The following C6orf52 variants were observed in gnomAD, a reference collection of about 807,000 sequenced individuals.
The protein encoded by C6orf52 is chromosome 6 open reading frame 52, also known as putative uncharacterized protein C6orf52.
In C6orf52, 16 loss-of-function variants were observed where a neutral mutation model predicts 16.6. The ratio of observed to expected loss-of-function variants is 0.96; its 90% CI spans 0.65 to 1.46. C6orf52 has a LOEUF of 1.46. Ranked by LOEUF, C6orf52 falls within the 40% of genes most tolerant of loss-of-function variation. C6orf52 has a pLI of 0.00. For missense variants in C6orf52, 166 were observed against 182.3 expected (o/e 0.91, Z 0.52); for synonymous variants, 53 against 61.4 (o/e 0.86, Z 0.64).
intron 4 of C6orf52, among the ~76,000 whole-genome samples, chr6:10,675,412 C>A (rs919440948): frequency 6.6e-6 from 1 of 152,144 alleles, no homozygotes; most frequent in Non-Finnish European, 1.5e-5. Flanking sequence ...TACGCATTTT[C>A]TTTATCCATT....
At chr6:10,672,721 C>G (rs574043591) in intron 4 of C6orf52, 1 of 527,466 alleles carries the variant, frequency 1.9e-6, no homozygotes, top group African/African-American at 2.0e-5. Context: ...ATAAAGAGGT[C>G]AAGTGTGGAA....
At chr6:10,692,086 G>GGTAA (rs1769365848) in intron 1 of C6orf52, among the ~76,000 whole-genome samples, 1 of 152,060 alleles carries the variant, frequency 6.6e-6, no homozygotes, top group Admixed American at 6.5e-5. Context: ...ATGTCCCTGG[G>GGTAA]GTAAGGAGAC....
chr6:10,689,637 C>G (rs1044206397), intron 1 of C6orf52, among the ~76,000 whole-genome samples: 3 of 152,084 alleles, frequency 2.0e-5, no homozygotes. Flanking sequence ...TAGGGGAAAG[C>G]TGTGTGGGAA....
intron 1 of C6orf52, among the ~76,000 whole-genome samples, chr6:10,689,218 G>A (rs1339680419): frequency 6.6e-6 from 1 of 152,196 alleles, no homozygotes; most frequent in African/African-American, 2.4e-5. Context: ...AGATCCGCTC[G>A]CCTTAGCCTC....
chr6:10,686,404 A>G (rs1199836062), intron 3 of C6orf52, among the ~76,000 whole-genome samples: 1 of 152,100 alleles, frequency 6.6e-6, no homozygotes, highest in African/African-American at 2.4e-5. Context: ...GTGGGAAGGG[A>G]ATGGGGAAGG....
intron 4 of C6orf52, among the ~76,000 whole-genome samples, chr6:10,676,853 G>A (rs1455700901): frequency 1.3e-5 from 2 of 152,058 alleles, no homozygotes; most frequent in Non-Finnish European, 2.9e-5. Flanking sequence ...ACCCACATGT[G>A]TCCATGTCCT....
intron 4 of C6orf52, among the ~76,000 whole-genome samples, chr6:10,679,433 T>A (rs1581542030): frequency 1.5e-5 from 2 of 133,020 alleles, no homozygotes; most frequent in Non-Finnish European, 1.6e-5. Flanking sequence ...AGCAAGACTG[T>A]CTCCAAAAAA....
intron 4 of C6orf52, 31 bp from the exon 5 acceptor site, chr6:10,671,629 A>G (rs202208924): frequency 9.9e-4 from 1,448 of 1,469,604 alleles, no homozygotes; most frequent in Middle Eastern, 2.3e-3. Context: ...TATGAAAAAA[A>G]TAGAGTTTTA....
chr6:10,677,676 C>A (rs1768015416), intron 4 of C6orf52, among the ~76,000 whole-genome samples: 1 of 151,670 alleles, frequency 6.6e-6, no homozygotes, highest in African/African-American at 2.4e-5. Context: ...GGACTACAGG[C>A]ACGCATGCCA....
chr6:10,679,630 A>G (rs1000524099), intron 4 of C6orf52, among the ~76,000 whole-genome samples: 15 of 152,002 alleles, frequency 9.9e-5, no homozygotes, highest in Non-Finnish European at 1.6e-4. Context: ...GTGAAGTGCA[A>G]TAAAATGAGG....
chr6:10,679,091 C>CA (rs200025068), intron 4 of C6orf52, among the ~76,000 whole-genome samples: 126 of 148,390 alleles, frequency 8.5e-4, no homozygotes, highest in African/African-American at 2.3e-3. Flanking sequence ...GACTCCATCT[C>CA]AAAAAAAAAT....
At chr6:10,681,096 C>A (rs1440410756) in intron 4 of C6orf52, among the ~76,000 whole-genome samples, 1 of 152,214 alleles carries the variant, frequency 6.6e-6, no homozygotes, top group East Asian at 1.9e-4. Flanking sequence ...ATCCACCAGG[C>A]CTGGCCTGAT....
intron 4 of C6orf52, among the ~76,000 whole-genome samples, chr6:10,682,790 A>G (rs1381484954): frequency 6.6e-6 from 1 of 152,216 alleles, no homozygotes; most frequent in Non-Finnish European, 1.5e-5. Flanking sequence ...GACTGACACT[A>G]CAGTGCTGCT....
At chr6:10,675,934 C>T (rs987272786) in intron 4 of C6orf52, among the ~76,000 whole-genome samples, 1 of 150,826 alleles carries the variant, frequency 6.6e-6, no homozygotes, top group African/African-American at 2.5e-5. Context: ...GAGTTTGAGA[C>T]CAGTCTGGCC....
intron 1 of C6orf52, among the ~76,000 whole-genome samples, chr6:10,691,919 T>A (rs2127473660): frequency 6.6e-6 from 1 of 152,310 alleles, no homozygotes; most frequent in African/African-American, 2.4e-5. Context: ...CCAACTATAT[T>A]CTAAAATTCC....
intron 3 of C6orf52, 78 bp from the exon 4 acceptor site, chr6:10,683,310 C>A: frequency 2.4e-6 from 2 of 844,370 alleles, no homozygotes; most frequent in Admixed American, 2.9e-5. Context: ...TTGGGAAAAA[C>A]TCTAGCTCTC....
Position 10,671,528 on chromosome 6 carries a change from G to T in C6orf52, c.387C>A (p.Asp129Glu), listed in dbSNP as rs887287256. ...GCTGCCAGTGGCAATTCATGAGGGA[G>T]TCGTAGAGTTCTTCACTTTTCACCA... is the stretch of plus-strand genomic sequence containing the variant. Reference protein sequence around the residue: ...EFMVKSEELYDSLMNCHWQPL... With the variant: ...EFMVKSEELYESLMNCHWQPL... The change falls in exon 5 of 5, where the codon GAC (aspartate) becomes GAA (glutamate). Residue 129 changes from aspartate (D) to glutamate (E), a missense_variant. Asp to Glu is a conservative substitution (Grantham distance 45, BLOSUM62 2). Transcript: ENST00000259983. The T allele has an allele frequency of 2.6e-5, 40 of 1,547,914 alleles. No individual in the cohort carries two copies. The highest frequency in any genetic ancestry group is 3.1e-5 in the Non-Finnish European group (36 of 1,143,870).
intron 4 of C6orf52, among the ~76,000 whole-genome samples, chr6:10,680,819 G>A (rs1768312927): frequency 1.3e-5 from 2 of 151,848 alleles, no homozygotes; most frequent in Admixed American, 6.6e-5. Context: ...ACTTTTTTTT[G>A]AGACAGGGTC....
chr6:10,688,638 T>C (rs1042964004), intron 1 of C6orf52, among the ~76,000 whole-genome samples: 4 of 152,172 alleles, frequency 2.6e-5, no homozygotes, highest in Non-Finnish European at 5.9e-5. Context: ...TAAAATGGTG[T>C]AGTATTTGCA....
Sources: gnomAD v4.1 joint callset for allele counts (sites outside exome capture counted in the v4.1 genomes callset) on GRCh38, gnomAD v4.1.1 for gene constraint, MANE v1.5 for transcripts, NCBI Gene and HGNC (gene_info 2026-07-23, HGNC 2026-07-21) for gene names.